The following UHMK1 variants were observed in gnomAD, a reference collection of about 807,000 sequenced individuals.
UHMK1 encodes the protein U2AF homology motif kinase 1.
Under a neutral mutation model 44.0 loss-of-function variants are expected in UHMK1, and 18 were observed. That is an observed-to-expected ratio of 0.41 (90% CI 0.28 to 0.61). The LOEUF is 0.61. UHMK1 is among the 20% of genes least tolerant of loss of function. The pLI is 0.31. For synonymous variants in UHMK1, 231 were observed against 198.5 expected (o/e 1.16, Z -1.38); for missense variants, 463 against 522.5 (o/e 0.89, Z 1.11).
In UHMK1 at chr1:162,499,803, G is replaced by C. The variant is rs1011750294; in HGVS notation, c.269-152G>C. 5 of 700,600 alleles carry C rather than the reference G, an allele frequency of 7.1e-6. No individual in the cohort carries two copies. In the South Asian group the frequency reaches 1.0e-4, roughly 14 times the overall value. The allele number at this position is 700,600 out of a possible 1,614,324, so 43.4% of individuals were successfully genotyped here. A position where few individuals can be genotyped will look rare whatever the true frequency, so the allele number is the denominator to read the frequency against. On this transcript the variant is annotated intron_variant, in intron 1 of 7. Transcript: ENST00000489294. ...TATTAAAATAACCCAATTGCCAAAA[G>C]ATCTTATTCATGGGAAAAATAAATT...
intron 7 of UHMK1, 117 bp downstream of exon 7, chr1:162,518,307 C>T: frequency 1.6e-6 from 1 of 642,178 alleles, no homozygotes; most frequent in Non-Finnish European, 2.7e-6. Context: ...ATGAGTTTTG[C>T]ATTTTAATGA....
chr1:162,501,764 T>C (rs1651276911), intron 3 of UHMK1, among the ~76,000 whole-genome samples: 1 of 152,066 alleles, frequency 6.6e-6, no homozygotes, highest in East Asian at 1.9e-4. Context: ...AATGATAAGT[T>C]TTATAGATTA....
Position 162,522,633 on chromosome 1 carries a change from C to T in UHMK1, c.*83C>T, listed in dbSNP as rs902060966. The T allele has an allele frequency of 7.1e-7, 1 of 1,408,718 alleles. No individual in the cohort carries two copies. The highest frequency in any genetic ancestry group is 1.4e-5 in the African/African-American group (1 of 69,432). 87.3% of individuals were successfully genotyped at this position (1,408,718 alleles called of 1,614,324 possible). On this transcript the variant is annotated 3_prime_UTR_variant, in exon 8 of 8. Transcript: ENST00000489294. ...ATATGAATGCAGGACTACCCCCTTA[C>T]CATTTTAAGAAGGTACTTTATACAT... is the stretch of plus-strand genomic sequence containing the variant.
rs1207687039 is a variant in UHMK1, at chr1:162,526,739, A to C, written c.*4189A>C. 3 of 152,120 alleles carry C rather than the reference A, an allele frequency of 2.0e-5. No homozygotes were observed. The highest frequency in any genetic ancestry group is 4.8e-5 in the African/African-American group (2 of 41,440). 9.4% of individuals were successfully genotyped at this position (152,120 alleles called of 1,614,324 possible). A position where few individuals can be genotyped will look rare whatever the true frequency, so the allele number is the denominator to read the frequency against. ...CTTATTTTTTTGTATATGTAAAACT[A>C]TTCATATTTGATTTTATTCCAATAT... On this transcript the variant is annotated 3_prime_UTR_variant, in exon 8 of 8. Coordinates refer to ENST00000489294, the MANE Select transcript of UHMK1 (RefSeq NM_175866.5).
chr1:162,512,629 A>G, intron 5 of UHMK1, 53 bp downstream of exon 5: 1 of 1,600,710 alleles, frequency 6.2e-7, no homozygotes, highest in Non-Finnish European at 8.5e-7. Context: ...GTCATACAAG[A>G]CATCAGCACT....
In UHMK1 at chr1:162,528,363, G is replaced by A. The variant is rs995203187; in HGVS notation, c.*5813G>A. On this transcript the variant is annotated 3_prime_UTR_variant, in exon 8 of 8. Transcript: ENST00000489294. ...TACTTAAAGTTCCAGGTTTGGTACC[G>A]CTAGCATAGAAACATTGCCTTTCCT... 12 of 151,940 alleles carry A rather than the reference G, an allele frequency of 7.9e-5. No individual in the cohort carries two copies. The highest frequency in any genetic ancestry group is 2.7e-4 in the African/African-American group (11 of 41,394). 9.4% of individuals were successfully genotyped at this position (151,940 alleles called of 1,614,324 possible). A position where few individuals can be genotyped will look rare whatever the true frequency, so the allele number is the denominator to read the frequency against.
chr1:162,497,874 G>C lies in UHMK1; in HGVS notation c.-127G>C. 1 of 1,395,074 alleles carries C rather than the reference G, an allele frequency of 7.2e-7. No individual in the cohort carries two copies. The highest frequency in any genetic ancestry group is 2.8e-5 in the East Asian group (1 of 35,612). 86.4% of individuals were successfully genotyped at this position (1,395,074 alleles called of 1,614,324 possible). A position where few individuals can be genotyped will look rare whatever the true frequency, so the allele number is the denominator to read the frequency against. ...ATGGCTGCTTGAAGTCCCGGGAGTC[G>C]GTGAGGCGGCTGCAGGTCCCTCCCT... On this transcript the variant is annotated 5_prime_UTR_variant, in exon 1 of 8. Transcript: ENST00000489294.
At chr1:162,497,398 G>A (rs1458831646), upstream of UHMK1, 3 of 649,750 alleles carry the variant, frequency 4.6e-6, no homozygotes, top group South Asian at 1.7e-5. Context: ...GGCGACACGG[G>A]GGGCTTAGAA....
chr1:162,520,190 A>G (rs758662674), intron 7 of UHMK1, among the ~76,000 whole-genome samples: 2 of 152,252 alleles, frequency 1.3e-5, no homozygotes, highest in Non-Finnish European at 2.9e-5. Flanking sequence ...CACTGTGCCC[A>G]GCTATAATTT....
intron 2 of UHMK1, 40 bp downstream of exon 2, chr1:162,500,287 G>C: frequency 6.3e-7 from 1 of 1,581,080 alleles, no homozygotes; most frequent in South Asian, 1.2e-5. Context: ...AGTTTAAAAT[G>C]TAGTGGTTGA....
intron 6 of UHMK1, among the ~76,000 whole-genome samples, chr1:162,515,895 G>A (rs976815414): frequency 2.0e-5 from 3 of 152,036 alleles, no homozygotes; most frequent in Non-Finnish European, 4.4e-5. Context: ...TTAGCCGGGC[G>A]TGGTGGCGGG....
intron 6 of UHMK1, among the ~76,000 whole-genome samples, chr1:162,517,543 T>A (rs1052711753): frequency 1.3e-5 from 2 of 152,178 alleles, no homozygotes; most frequent in Admixed American, 1.3e-4. Flanking sequence ...AGCAAGGTAT[T>A]TTTATAATTT....
chr1:162,502,944 T>C (rs1323002360), intron 3 of UHMK1, among the ~76,000 whole-genome samples: 1 of 119,084 alleles, frequency 8.4e-6, no homozygotes, highest in East Asian at 2.5e-4. Context: ...CTGATAATGA[T>C]AGTATCTGTT....
chr1:162,522,684 C>T lies in UHMK1; in HGVS notation c.*134C>T. ...TTATTTAATCCTACTAATGTGCAGC[C>T]ATTGCCCAAGCAGTGACTGCGTTGC... On this transcript the variant is annotated 3_prime_UTR_variant, in exon 8 of 8. Transcript: ENST00000489294. 2 of 1,040,528 alleles carry T rather than the reference C, an allele frequency of 1.9e-6. No homozygotes were observed. The highest frequency in any genetic ancestry group is 1.4e-6 in the Non-Finnish European group (1 of 731,934). The allele number at this position is 1,040,528 out of a possible 1,614,324, so 64.5% of individuals were successfully genotyped here.
intron 7 of UHMK1, among the ~76,000 whole-genome samples, chr1:162,518,637 C>T (rs1445983918): frequency 2.7e-5 from 4 of 150,372 alleles, no homozygotes; most frequent in African/African-American, 4.9e-5. Flanking sequence ...AGCCAAGATC[C>T]TGCCACTGCA....
intron 3 of UHMK1, among the ~76,000 whole-genome samples, chr1:162,503,445 A>G (rs959832714): frequency 2.6e-5 from 4 of 151,962 alleles, no homozygotes; most frequent in African/African-American, 7.3e-5. Context: ...CCCCATAGCT[A>G]TAAAAAATAC....
At chr1:162,510,071 A>G (rs114441096) in intron 4 of UHMK1, among the ~76,000 whole-genome samples, 2 of 151,348 alleles carry the variant, frequency 1.3e-5, no homozygotes, top group African/African-American at 4.8e-5. Flanking sequence ...TTATTAGACT[A>G]TAACAGCATC....
rs746869899 is a variant in UHMK1 at position 162,512,800 on chromosome 1, T to C, written c.1001T>C (p.Leu334Pro). 6.2e-7 allele frequency: 1 copy of C among 1,614,150 alleles called. No individual in the cohort carries two copies. Among genetic ancestry groups the C allele is most frequent in the Non-Finnish European group, 8.5e-7 (1 of 1,180,008 alleles). The change falls in exon 6 of 8, where the codon CTT (leucine) becomes CCT (proline). Residue 334 changes from leucine (L) to proline (P), a missense_variant. Physicochemically the swap from Leu to Pro is moderately conservative, Grantham distance 98. This residue lies in a region of UHMK1 where 264 missense variants were observed against 326.3 expected (regional missense o/e 0.81). Transcript: ENST00000489294. Reference protein sequence around the residue: ...RLLNVLDDDYLENEEEYEDVV... With the variant: ...RLLNVLDDDYPENEEEYEDVV... ...CTGAATGTGCTGGATGATGATTATCTTGAGAATGAAGAGGAATATGAAGGT... is the reference window on the plus strand; with the variant it reads ...CTGAATGTGCTGGATGATGATTATCCTGAGAATGAAGAGGAATATGAAGGT...
chr1:162,528,273 G>T lies in UHMK1; in HGVS notation c.*5723G>T, dbSNP rs1165266803. On this transcript the variant is annotated 3_prime_UTR_variant, in exon 8 of 8. Transcript: ENST00000489294. ...GAGATAAGTAATAAAAATAGAGGAG[G>T]GGAAGAAAATGGCTCCCTTACTGGT... The T allele has an allele frequency of 6.6e-6, 1 of 151,814 alleles. No individual in the cohort carries two copies. Among genetic ancestry groups the T allele is most frequent in the African/African-American group, 2.4e-5 (1 of 41,352 alleles). 9.4% of individuals were successfully genotyped at this position (151,814 alleles called of 1,614,324 possible).
Sources: gnomAD v4.1 joint callset for allele counts (sites outside exome capture counted in the v4.1 genomes callset) on GRCh38, gnomAD v4.1.1 for gene constraint, gnomAD v4.1.1 regional missense constraint, MANE v1.5 for transcripts, NCBI Gene and HGNC (gene_info 2026-07-23, HGNC 2026-07-21) for gene names.